Variants in SLC49A3 observed in about 807,000 individuals in gnomAD.
The protein encoded by SLC49A3 is solute carrier family 49 member A3.
In SLC49A3, 50 loss-of-function variants were observed where a neutral mutation model predicts 43.8. The observed-to-expected ratio is 1.14, with a 90% confidence interval of 0.91 to 1.45. The LOEUF is 1.45. Among genes scored for constraint, SLC49A3 ranks in the 40% most tolerant of loss-of-function variants. SLC49A3 has a pLI of 0.00. For missense variants in SLC49A3, 906 were observed against 774.1 expected, an observed-to-expected ratio of 1.17 and a Z score of -2.02; for synonymous variants, 413 against 352.0, an observed-to-expected ratio of 1.17 and a Z score of -1.94.
chr4:680,572 A>G, downstream of SLC49A3: 2 of 1,613,302 alleles, frequency 1.2e-6, no homozygotes, highest in Non-Finnish European at 1.7e-6. Context: ...GGGAAAGGGA[A>G]AATCAACAAG....
intron 6 of SLC49A3, among the ~76,000 whole-genome samples, 164 bp from the exon 7 acceptor site, chr4:683,925 C>T (rs1297985283): frequency 5.3e-5 from 8 of 152,142 alleles, no homozygotes; most frequent in Admixed American, 5.2e-4. Context: ...GGTAGGGTTT[C>T]CTGCCTTGTG....
chr4:683,737 G>C lies in SLC49A3; in HGVS notation c.865C>G (p.Leu289Val). The C allele has an allele frequency of 6.3e-7, 1 of 1,575,644 alleles. No individual in the cohort carries two copies. The highest frequency in any genetic ancestry group is 8.6e-7 in the Non-Finnish European group (1 of 1,160,238). The change falls in exon 7 of 10, where the codon CTC becomes GTC. Residue 289 changes from leucine (L) to valine (V), a missense_variant. Transcript: ENST00000322224. The stretch of plus-strand genomic sequence containing the variant: ...CCCAGGATCCCAAACGTGATGAAGA[G>C]AGCGCCACAGAGGCCGGAAAACCCC... ...SSGFSGLCGA[L>V]FITFGILGAL...
intron 1 of SLC49A3, among the ~76,000 whole-genome samples, chr4:687,709 G>A (rs1439015714): frequency 2.0e-5 from 3 of 152,184 alleles, no homozygotes; most frequent in Admixed American, 6.5e-5. Flanking sequence ...TCCCAGCCTC[G>A]ACCCTGCCTG....
chr4:682,727 T>C, intron 9 of SLC49A3, 54 bp downstream of exon 9: 2 of 1,395,966 alleles, frequency 1.4e-6, no homozygotes, highest in Non-Finnish European at 9.7e-7. Flanking sequence ...CCAGGGAATC[T>C]TCACATGGGG....
intron 7 of SLC49A3, 41 bp downstream of exon 7, chr4:683,568 C>G: frequency 1.9e-6 from 3 of 1,577,538 alleles, no homozygotes; most frequent in Non-Finnish European, 2.6e-6. Flanking sequence ...TCACCACCCA[C>G]CCACCCCCAC....
At chr4:679,239 T>G, downstream of SLC49A3, 5 of 469,260 alleles carry the variant, frequency 1.1e-5, no homozygotes, top group East Asian at 4.7e-5. Flanking sequence ...TGAGACAGGG[T>G]GGGTGGGACA....
At chr4:677,948 C>T (rs894692809), downstream of SLC49A3, 22 of 1,611,892 alleles carry the variant, frequency 1.4e-5, no homozygotes, top group Non-Finnish European at 1.7e-5. Flanking sequence ...TCTGAACTGT[C>T]CTGGGGGACC....
At chr4:678,783 C>T (rs1043731249), downstream of SLC49A3, 43 of 1,607,690 alleles carry the variant, frequency 2.7e-5, no homozygotes, top group Non-Finnish European at 3.6e-5. Flanking sequence ...TTTCCTGCTT[C>T]ACTGGGAGCC....
intron 2 of SLC49A3, 74 bp from the exon 3 acceptor site, chr4:686,376 C>G: frequency 1.3e-6 from 2 of 1,580,016 alleles, no homozygotes; most frequent in Admixed American, 1.7e-5. Context: ...CCCCCGAGCA[C>G]CTGGACCTCC....
At position 686,118 on chromosome 4, in the gene SLC49A3, C is replaced by T. The variant is rs372517470; in HGVS notation, c.479G>A (p.Arg160Gln). The stretch of plus-strand genomic sequence containing the variant: ...GGTGGCGAGCATGTTGGCCGTGGCT[C>T]GCTGGTGCTCTGGGAACCACAAGGC... ...LAALWFPEHQRATANMLATMS... is the reference protein window; with the variant it reads ...LAALWFPEHQQATANMLATMS... The change falls in exon 3 of 10, where the codon CGA (arginine) becomes CAA (glutamine). Residue 160 changes from arginine to glutamine, a missense_variant. Coordinates refer to ENST00000322224, the MANE Select transcript of SLC49A3 (RefSeq NM_032219.4). 3 of 1,612,982 alleles carry T rather than the reference C, an allele frequency of 1.9e-6. No individual in the cohort carries two copies. Among genetic ancestry groups the T allele is most frequent in the African/African-American group, 1.3e-5 (1 of 74,910 alleles).
At chr4:678,641 T>C, downstream of SLC49A3, 1 of 1,594,882 alleles carries the variant, frequency 6.3e-7, no homozygotes, top group Non-Finnish European at 8.5e-7. Context: ...CCCTCAGCCA[T>C]GGTGCTCCCA....
chr4:680,154 G>C, downstream of SLC49A3: 3 of 886,742 alleles, frequency 3.4e-6, no homozygotes, highest in South Asian at 5.3e-5. Context: ...GCCAACAACT[G>C]TGGGGCCCCG....
upstream of SLC49A3, chr4:689,221 G>GGGGCC (rs568230310): frequency 8.3e-6 from 8 of 967,786 alleles, no homozygotes; most frequent in African/African-American, 6.9e-5. Flanking sequence ...GGGCGGAGGT[G>GGGGCC]GGGCCGGGCC....
At chr4:678,723 C>A (rs1049861867), downstream of SLC49A3, 8 of 1,612,266 alleles carry the variant, frequency 5.0e-6, no homozygotes, top group Non-Finnish European at 5.9e-6. Context: ...CATCCAATGT[C>A]TTCTCCAACT....
At chr4:686,470 T>C (rs768530468) in intron 2 of SLC49A3, 62 bp downstream of exon 2, 60 of 1,579,632 alleles carry the variant, frequency 3.8e-5, no homozygotes, top group Non-Finnish European at 4.8e-5. Flanking sequence ...TTGACTCTCC[T>C]ACCCAAATGC....
Position 683,311 on chromosome 4 carries a change from C to T in SLC49A3, c.1050G>A (p.Gly350=). Residue 350 remains glycine, a synonymous_variant, in exon 8 of 10, where the codon GGG becomes GGA. Transcript: ENST00000322224. ...LALAATCSLL[G]LFGFSVGPVA... ...CGGGGCCCACCGAGAAGCCAAACAG[C>T]CCGAGCAGCGAGCAGGTGGCAGCCA... 3.1e-6 allele frequency: 5 copies of T among 1,612,622 alleles called. No individual in the cohort carries two copies. Among genetic ancestry groups the T allele is most frequent in the Non-Finnish European group, 4.2e-6 (5 of 1,179,804 alleles).
At chr4:680,663 T>G, downstream of SLC49A3, 2 of 1,468,092 alleles carry the variant, frequency 1.4e-6, no homozygotes, top group Non-Finnish European at 1.9e-6. Flanking sequence ...AAAGGGACAG[T>G]CAGCCACCAG....
rs779290019 is a variant in SLC49A3 at position 684,718 on chromosome 4, C to T, written c.723+1G>A. On this transcript the variant is annotated splice_donor_variant, in intron 5 of 9. Transcript: ENST00000322224. LOFTEE classifies it high-confidence loss of function. ...TACCCCGGGGATCCCACGGCACTGA[C>T]CAGCTTGAGCCCATCCAGGAACTTC... 2 of 1,610,138 alleles carry T rather than the reference C, an allele frequency of 1.2e-6. No homozygotes were observed. The highest frequency in any genetic ancestry group is 2.2e-5 in the South Asian group (2 of 90,988).
In SLC49A3 at chr4:684,494, C is replaced by T. The variant is rs201056671; in HGVS notation, c.829G>A (p.Gly277Ser). ...GGGGCCAGGCTCACACTGGAGTGGCCGCTTGCACAGAGGATCTGCTCCAGG... is the reference window on the plus strand; with the variant it reads ...GGGGCCAGGCTCACACTGGAGTGGCTGCTTGCACAGAGGATCTGCTCCAGG... Reference protein sequence around the residue: ...ALLEQILCASGHSSGFSGLCG... With the variant: ...ALLEQILCASSHSSGFSGLCG... The change falls in exon 6 of 10, where the codon GGC (glycine) becomes AGC (serine). Residue 277 changes from glycine (G) to serine (S), a missense_variant. Coordinates refer to ENST00000322224, the MANE Select transcript of SLC49A3 (RefSeq NM_032219.4). 15 of 1,612,954 alleles carry T rather than the reference C, an allele frequency of 9.3e-6. 1 individual carries two copies. Among genetic ancestry groups the T allele is most frequent in the African/African-American group, 5.3e-5 (4 of 75,010 alleles).
Sources: allele counts gnomAD v4.1 joint callset (sites outside exome capture counted in the v4.1 genomes callset), GRCh38; gene constraint gnomAD v4.1.1; transcripts MANE v1.5; gene names NCBI Gene and HGNC (gene_info 2026-07-23, HGNC 2026-07-21).